COLGALT2: variants seen among roughly 807,000 people sequenced by gnomAD.
COLGALT2 encodes the protein procollagen galactosyltransferase 2.
Under a neutral mutation model 73.4 loss-of-function variants are expected in COLGALT2, and 49 were observed. That is an observed-to-expected ratio of 0.67 (90% confidence interval 0.53 to 0.85). The LOEUF (loss-of-function observed/expected upper bound fraction) is 0.85. COLGALT2 is among the 40% of genes least tolerant of loss of function. COLGALT2 has a pLI of 0.00. For missense variants in COLGALT2, 722 were observed against 790.2 expected, an observed-to-expected ratio of 0.91 and a Z score of 1.03; for synonymous variants, 295 against 307.6, an observed-to-expected ratio of 0.96 and a Z score of 0.43.
intron 7 of COLGALT2, among the ~76,000 whole-genome samples, chr1:183,954,428 G>A (rs74767569): frequency 0.016 from 2,406 of 152,246 alleles, 66 homozygotes; most frequent in African/African-American, 0.055. Context: ...TCTAAAACAT[G>A]TATCCTCTGT....
chr1:183,991,441 T>TTC (rs1671626021), intron 1 of COLGALT2, among the ~76,000 whole-genome samples: 1 of 152,174 alleles, frequency 6.6e-6, no homozygotes, highest in Non-Finnish European at 1.5e-5. Context: ...AGAAAAAGTA[T>TTC]AAATTTACAA....
intron 1 of COLGALT2, among the ~76,000 whole-genome samples, chr1:183,981,489 T>TAA (rs35789912): frequency 6.9e-6 from 1 of 144,890 alleles, no homozygotes; most frequent in African/African-American, 2.6e-5. Flanking sequence ...CCGTCCCTAC[T>TAA]AAAAAAAAAA....
At chr1:183,958,539 A>G (rs995017042) in intron 6 of COLGALT2, among the ~76,000 whole-genome samples, 3 of 152,004 alleles carry the variant, frequency 2.0e-5, no homozygotes, top group African/African-American at 7.3e-5. Flanking sequence ...TAAAATCTCC[A>G]AAATCTCTGT....
At chr1:184,022,758 C>T (rs1333940981) in intron 1 of COLGALT2, among the ~76,000 whole-genome samples, 1 of 152,218 alleles carries the variant, frequency 6.6e-6, no homozygotes, top group Non-Finnish European at 1.5e-5. Context: ...TGTTTTGCCT[C>T]AGGGCAGAAA....
intron 11 of COLGALT2, among the ~76,000 whole-genome samples, chr1:183,939,656 T>C (rs1670055979): frequency 6.6e-6 from 1 of 152,192 alleles, no homozygotes. Context: ...GTCTCTGACA[T>C]GTTATATACA....
intron 1 of COLGALT2, among the ~76,000 whole-genome samples, chr1:183,994,534 A>C (rs1273066458): frequency 2.0e-5 from 3 of 152,108 alleles, no homozygotes; most frequent in Non-Finnish European, 2.9e-5. Flanking sequence ...AGCTCACTGC[A>C]ACCTCCGCCT....
intron 1 of COLGALT2, among the ~76,000 whole-genome samples, chr1:184,036,193 C>A (rs1649668316): frequency 6.6e-6 from 1 of 152,196 alleles, no homozygotes; most frequent in Admixed American, 6.5e-5. Context: ...CCACAACCCA[C>A]TCAGCGGCTA....
chr1:183,984,237 T>G (rs1671427864), intron 1 of COLGALT2, among the ~76,000 whole-genome samples: 1 of 152,168 alleles, frequency 6.6e-6, no homozygotes, highest in Admixed American at 6.5e-5. Context: ...AAACCCCGTC[T>G]CTACTAAAAA....
In COLGALT2 at chr1:183,935,888, T is replaced by C; in HGVS notation, c.*2873A>G. ...CAAAGAGCTCCAGAAGGCAAATAGT[T>C]TATCACTTCCCCACTCTGAAATAGC... On this transcript the variant is annotated 3_prime_UTR_variant, in exon 12 of 12. Transcript: ENST00000361927. 3.0e-6 allele frequency: 3 copies of C among 985,408 alleles called. No individual in the cohort carries two copies. The highest frequency in any genetic ancestry group is 3.6e-6 in the Non-Finnish European group (3 of 829,938). 61.0% of individuals were successfully genotyped at this position (985,408 alleles called of 1,614,324 possible).
intron 8 of COLGALT2, among the ~76,000 whole-genome samples, chr1:183,948,045 G>T (rs1333513300): frequency 6.6e-6 from 1 of 151,890 alleles, no homozygotes; most frequent in Admixed American, 6.6e-5. Flanking sequence ...GACTCAAGAA[G>T]AAATAGAAAG....
intron 1 of COLGALT2, among the ~76,000 whole-genome samples, chr1:183,981,502 A>C (rs4384188): frequency 0.63 from 94,770 of 150,602 alleles, 31,785 homozygotes; most frequent in Non-Finnish European, 0.76. Context: ...AAAAAAAAAA[A>C]AACATTAGCT....
chr1:183,965,694 G>T (rs768083430), intron 5 of COLGALT2, among the ~76,000 whole-genome samples: 3 of 152,234 alleles, frequency 2.0e-5, no homozygotes, highest in Non-Finnish European at 4.4e-5. Context: ...TGGACATTCT[G>T]AGAGGAGTTT....
chr1:183,938,909 C>T lies in COLGALT2; in HGVS notation c.1733G>A (p.Trp578Ter). The change falls in exon 12 of 12, where the codon TGG becomes TAG. Residue 578 changes from tryptophan (W) to a stop codon, truncating the protein, a stop_gained. Coordinates refer to ENST00000361927, the MANE Select transcript of COLGALT2 (RefSeq NM_015101.4). LOFTEE classifies it high-confidence loss of function. ...GTCGGTGGCCACTGTCTCATTGTCC[C>T]AGATGGTGGAGGTCTCCGTGTCACT... ...YLSDTETSTIWDNETVATDWD... is the reference protein window; with the variant it reads ...YLSDTETSTI 1 of 1,614,150 alleles carries T rather than the reference C, an allele frequency of 6.2e-7. No individual in the cohort carries two copies. The highest frequency in any genetic ancestry group is 8.5e-7 in the Non-Finnish European group (1 of 1,180,034).
intron 8 of COLGALT2, among the ~76,000 whole-genome samples, chr1:183,946,843 A>G (rs1670265717): frequency 6.6e-6 from 1 of 152,314 alleles, no homozygotes; most frequent in African/African-American, 2.4e-5. Flanking sequence ...CATCCTGGCT[A>G]ACACGGTGAA....
intron 1 of COLGALT2, among the ~76,000 whole-genome samples, chr1:184,035,820 T>C (rs1459289023): frequency 6.6e-6 from 1 of 152,226 alleles, no homozygotes; most frequent in African/African-American, 2.4e-5. Flanking sequence ...GCTGTCCCAG[T>C]GCTCTCTTTC....
At chr1:184,004,588 C>T (rs1558333928) in intron 1 of COLGALT2, among the ~76,000 whole-genome samples, 1 of 152,188 alleles carries the variant, frequency 6.6e-6, no homozygotes, top group Non-Finnish European at 1.5e-5. Context: ...ATATAGTATA[C>T]ATGATACAGA....
chr1:183,964,215 A>G (rs539406727), intron 5 of COLGALT2, 195 bp from the exon 6 acceptor site: 3 of 485,458 alleles, frequency 6.2e-6, no homozygotes, highest in Non-Finnish European at 1.1e-5. Flanking sequence ...GGGGACTAAT[A>G]AAAACACTCG....
At chr1:183,957,069 C>T (rs960491765) in intron 6 of COLGALT2, among the ~76,000 whole-genome samples, 3 of 151,930 alleles carry the variant, frequency 2.0e-5, no homozygotes, top group African/African-American at 4.8e-5. Context: ...TCATTGCTTT[C>T]GGGATAGTTT....
chr1:184,005,754 T>C (rs760485436), intron 1 of COLGALT2, among the ~76,000 whole-genome samples: 6 of 152,086 alleles, frequency 3.9e-5, no homozygotes, highest in Non-Finnish European at 8.8e-5. Flanking sequence ...TCAGCCCTGG[T>C]GCGAATCATG....
Sources: gnomAD v4.1 joint callset for allele counts (sites outside exome capture counted in the v4.1 genomes callset) on GRCh38, gnomAD v4.1.1 for gene constraint, MANE v1.5 for transcripts, NCBI Gene and HGNC (gene_info 2026-07-23, HGNC 2026-07-21) for gene names.